The following FAM178B variants were observed in gnomAD, a reference collection of about 807,000 sequenced individuals.
FAM178B encodes protein FAM178B.
Under a neutral mutation model 91.7 loss-of-function variants are expected in FAM178B, and 82 were observed. The ratio of observed to expected loss-of-function variants is 0.89; its 90% confidence interval spans 0.75 to 1.07. The LOEUF (loss-of-function observed/expected upper bound fraction) is 1.07, where lower values mean the gene tolerates loss of function less well. FAM178B is among the 50% of genes least tolerant of loss of function. FAM178B has a pLI of 0.00. For synonymous variants in FAM178B, 368 were observed against 359.4 expected (o/e 1.02, Z -0.27); for missense variants, 769 against 846.7 (o/e 0.91, Z 1.14).
In FAM178B at chr2:96,972,620, C is replaced by A. The variant is rs1249419557; in HGVS notation, c.74-14G>T. The A allele has an allele frequency of 6.4e-7, 1 of 1,550,578 alleles. No homozygotes were observed. ...GGGACATCTGTCCTGGAAGGAAGCG[C>A]CTGTGAGGGCAGGTGAACCTCCAGA... On this transcript the variant is annotated splice_polypyrimidine_tract_variant and intron_variant, in intron 1 of 16. Coordinates refer to ENST00000490605, the MANE Select transcript of FAM178B (RefSeq NM_001122646.3).
At chr2:96,983,844 T>C (rs1398129336) in intron 1 of FAM178B, among the ~76,000 whole-genome samples, 2 of 152,264 alleles carry the variant, frequency 1.3e-5, no homozygotes, top group African/African-American at 4.8e-5. Context: ...CAGTAGTTCA[T>C]GCAGCAGTTC....
chr2:96,923,543 G>C lies in FAM178B; in HGVS notation c.1234C>G (p.Gln412Glu), dbSNP rs1232155973. Residue 412 changes from glutamine (Q) to glutamate (E), a missense_variant, in exon 10 of 17, where the codon CAG (glutamine) becomes GAG (glutamate). By Grantham distance (29) the Gln-to-Glu change is conservative. Coordinates refer to ENST00000490605, the MANE Select transcript of FAM178B (RefSeq NM_001122646.3). The part of the protein sequence containing the change: ...GEAGLNENEE[Q>E]DAPQEIALDI... ...AAGGCAATCTCTTGGGGAGCGTCCT[G>C]CTCCTCATTCTCATTCAGGCCAGCC... 6.4e-7 allele frequency: 1 copy of C among 1,551,694 alleles called. No homozygotes were observed. Among genetic ancestry groups the C allele is most frequent in the Non-Finnish European group, 8.7e-7 (1 of 1,146,976 alleles).
At chr2:96,924,281 C>T (rs1264002204) in intron 9 of FAM178B, among the ~76,000 whole-genome samples, 2 of 152,334 alleles carry the variant, frequency 1.3e-5, no homozygotes, top group Non-Finnish European at 2.9e-5. Context: ...CTGCAAAGTG[C>T]ACCACGTGGT....
intron 8 of FAM178B, among the ~76,000 whole-genome samples, chr2:96,932,087 C>T (rs921630803): frequency 6.6e-6 from 1 of 152,178 alleles, no homozygotes; most frequent in African/African-American, 2.4e-5. Context: ...CAACCTAGGG[C>T]GAGGCCCCGG....
intron 13 of FAM178B, chr2:96,897,839 G>A (rs756065862): frequency 1.2e-5 from 5 of 418,886 alleles, no homozygotes; most frequent in Non-Finnish European, 1.6e-5. Context: ...TCCTTGCAGG[G>A]GCTCCCCACT....
In FAM178B at chr2:96,879,970, C is replaced by T. The variant is rs549572807; in HGVS notation, c.1777-1477G>A. On this transcript the variant is annotated intron_variant, in intron 14 of 16. Coordinates refer to ENST00000490605, the MANE Select transcript of FAM178B (RefSeq NM_001122646.3). ...GCCTTTGCAGTCTTGCAACAGCTCA[C>T]TGCCCCCTTGTCATAAAGCAAGTCT... Among the ~76,000 whole-genome samples the T allele has an allele frequency of 2.0e-5, 3 of 152,388 alleles. No homozygotes were observed. The South Asian group carries it at 6.2e-4, about 32-fold the overall frequency.
intron 12 of FAM178B, among the ~76,000 whole-genome samples, chr2:96,912,459 G>A (rs2081174844): frequency 6.6e-6 from 1 of 151,928 alleles, no homozygotes. Context: ...TGGTGGGGGA[G>A]GGGTATCCCT....
intron 9 of FAM178B, among the ~76,000 whole-genome samples, chr2:96,925,749 C>T (rs911766180): frequency 6.6e-6 from 1 of 152,190 alleles, no homozygotes; most frequent in Non-Finnish European, 1.5e-5. Flanking sequence ...ATTAACCTTA[C>T]AAGGGGCATG....
intron 1 of FAM178B, 45 bp downstream of exon 1, chr2:96,986,196 C>T: frequency 6.5e-7 from 1 of 1,533,264 alleles, no homozygotes; most frequent in East Asian, 2.4e-5. Flanking sequence ...GCTCTCTGAG[C>T]GCTAACCACG....
At chr2:96,959,593 C>T (rs1028203968) in intron 6 of FAM178B, among the ~76,000 whole-genome samples, 4 of 152,154 alleles carry the variant, frequency 2.6e-5, no homozygotes, top group African/African-American at 7.2e-5. Flanking sequence ...CCTTCTCCAC[C>T]GCCCTGGCCT....
intron 14 of FAM178B, among the ~76,000 whole-genome samples, chr2:96,887,569 T>C (rs569632574): frequency 1.3e-5 from 2 of 152,314 alleles, no homozygotes; most frequent in East Asian, 1.9e-4. Context: ...GACGCGGCGT[T>C]GAGAACAGAG....
intron 14 of FAM178B, among the ~76,000 whole-genome samples, chr2:96,888,998 C>T (rs576113930): frequency 2.3e-4 from 35 of 152,310 alleles, no homozygotes; most frequent in Non-Finnish European, 3.5e-4. Flanking sequence ...GTGTGCACCT[C>T]GAGAAAGCTG....
At chr2:96,953,994 TG>T (rs995366522) in intron 6 of FAM178B, among the ~76,000 whole-genome samples, 2 of 152,166 alleles carry the variant, frequency 1.3e-5, no homozygotes, top group African/African-American at 4.8e-5. Context: ...TCAAACGCCT[TG>T]GGTGACAGAA....
chr2:96,911,278 G>A (rs1020911169), intron 12 of FAM178B, among the ~76,000 whole-genome samples: 17 of 152,304 alleles, frequency 1.1e-4, no homozygotes, highest in Admixed American at 7.8e-4. Context: ...AGGGCTGCTC[G>A]AAGAGGAGAT....
Position 96,893,914 on chromosome 2 carries a change from G to A in FAM178B, c.1776+12C>T, listed in dbSNP as rs1251053561. 1 of 1,609,532 alleles carries A rather than the reference G, an allele frequency of 6.2e-7. No homozygotes were observed. Among genetic ancestry groups the A allele is most frequent in the Non-Finnish European group, 8.5e-7 (1 of 1,178,050 alleles). ...CGTGGTGGAGGCAGGCGGGTGCTGG[G>A]TGCTCACTCACCTTGTGGTCTAGCT... On this transcript the variant is annotated intron_variant, in intron 14 of 16. Coordinates refer to ENST00000490605, the MANE Select transcript of FAM178B (RefSeq NM_001122646.3).
In FAM178B at chr2:96,921,147, C is replaced by T. The variant is rs534498508; in HGVS notation, c.1562+18G>A. 225 of 1,541,358 alleles carry T rather than the reference C, an allele frequency of 1.5e-4. No individual in the cohort carries two copies. Among genetic ancestry groups the T allele is most frequent in the Non-Finnish European group, 1.9e-4 (220 of 1,138,060 alleles). On this transcript the variant is annotated intron_variant, in intron 12 of 16. Transcript: ENST00000490605. ...GATGCGTGTGAGAGGGAGGAGGCAG[C>T]GGGGGAGCAGCACGCACCTGCTCCG... is the stretch of plus-strand genomic sequence containing the variant.
intron 14 of FAM178B, among the ~76,000 whole-genome samples, chr2:96,885,384 C>T (rs896879114): frequency 6.6e-6 from 1 of 152,216 alleles, no homozygotes; most frequent in African/African-American, 2.4e-5. Flanking sequence ...TTCAGAGATC[C>T]GAGACCCTTC....
intron 9 of FAM178B, among the ~76,000 whole-genome samples, chr2:96,923,865 C>T (rs1221544942): frequency 6.6e-6 from 1 of 152,274 alleles, no homozygotes; most frequent in African/African-American, 2.4e-5. Flanking sequence ...CCGGCTCACT[C>T]ACCTGGTCAC....
chr2:96,900,546 C>T lies in FAM178B; in HGVS notation c.1650+2074G>A, dbSNP rs1178948875. Among the ~76,000 whole-genome samples the T allele has an allele frequency of 2.6e-5, 4 of 151,970 alleles. No homozygotes were observed. The South Asian group carries it at 6.2e-4, about 24-fold the overall frequency. ...GGGGATGGAAAACACAGATGCTGAG[C>T]AAACAAATAGGAAAAGATCAGGGGG... On this transcript the variant is annotated intron_variant, in intron 13 of 16. Transcript: ENST00000490605.
Sources: gnomAD v4.1 joint callset for allele counts (sites outside exome capture counted in the v4.1 genomes callset) on GRCh38, gnomAD v4.1.1 for gene constraint, MANE v1.5 for transcripts, NCBI Gene and HGNC (gene_info 2026-07-23, HGNC 2026-07-21) for gene names.